Variants in NOTCH2 observed in about 807,000 individuals in gnomAD.
The protein encoded by NOTCH2 is neurogenic locus notch homolog protein 2.
In NOTCH2, 29 loss-of-function variants were observed where a neutral mutation model predicts 235.8. That is an observed-to-expected ratio of 0.12 (90% CI 0.09 to 0.17). NOTCH2 has a LOEUF of 0.17. Among genes scored for constraint, NOTCH2 ranks in the 10% least tolerant of loss-of-function variants. NOTCH2 has a pLI of 1.00. For synonymous variants in NOTCH2, 1,086 were observed against 1,141.5 expected (o/e 0.95, Z 0.98); for missense variants, 2,285 against 3,150.2 (o/e 0.73, Z 6.57).
At position 119,916,069 on chromosome 1, in the gene NOTCH2, A is replaced by G. The variant is rs1649056353; in HGVS notation, c.6653T>C (p.Leu2218Pro). Reference sequence around the variant, plus strand: ...GGATAGCAACTGGCTCACTGAGGGAAGCACAGTGCTGGCCCCATGTGCCAA... The same window carrying G: ...GGATAGCAACTGGCTCACTGAGGGAGGCACAGTGCTGGCCCCATGTGCCAA... ...QPLAHGASTV[L>P]PSVSQLLSHH... The change falls in exon 34 of 34, where the codon CTT (leucine) becomes CCT (proline). Residue 2218 changes from leucine to proline, a missense_variant. Leu to Pro is a moderately conservative substitution (Grantham distance 98, BLOSUM62 -3). Around this residue, in one of 6 missense-constraint regions of NOTCH2, gnomAD observed 504 missense variants for 538.0 expected, o/e 0.94. Transcript: ENST00000256646. The G allele has an allele frequency of 6.2e-7, 1 of 1,613,916 alleles. No homozygotes were observed. Among genetic ancestry groups the G allele is most frequent in the Non-Finnish European group, 8.5e-7 (1 of 1,180,008 alleles).
intron 5 of NOTCH2, among the ~76,000 whole-genome samples, chr1:119,981,503 A>T (rs1237000791): frequency 1.3e-5 from 2 of 152,194 alleles, no homozygotes; most frequent in African/African-American, 4.8e-5. Context: ...CAACCGTTCC[A>T]TGGGGGCTTA....
At chr1:119,954,843 G>C (rs1650621211) in intron 13 of NOTCH2, among the ~76,000 whole-genome samples, 197 bp downstream of exon 13, 4 of 152,108 alleles carry the variant, frequency 2.6e-5, no homozygotes, top group Admixed American at 2.6e-4. Context: ...GTTCCATCTA[G>C]GTCCTCACTT....
At chr1:119,957,883 C>CACACACACACACA in intron 12 of NOTCH2, among the ~76,000 whole-genome samples, 1 of 143,536 alleles carries the variant, frequency 7.0e-6, no homozygotes, top group Non-Finnish European at 1.5e-5. Context: ...CACACACACA[C>CACACACACACACA]AACAGGCCCC....
chr1:120,040,996 G>A (rs1654524382), intron 1 of NOTCH2, among the ~76,000 whole-genome samples: 1 of 125,802 alleles, frequency 7.9e-6, no homozygotes, highest in Non-Finnish European at 1.6e-5. Flanking sequence ...AGCCGAGATT[G>A]TGCCACTGCA....
rs1649820409 is a variant in NOTCH2 at position 119,935,586 on chromosome 1, C to T, written c.3541G>A (p.Gly1181Ser). 6.2e-7 allele frequency: 1 copy of T among 1,614,124 alleles called. No individual in the cohort carries two copies. The highest frequency in any genetic ancestry group is 1.1e-5 in the South Asian group (1 of 91,076). Residue 1181 changes from glycine to serine, a missense_variant, in exon 22 of 34, where the codon GGT (glycine) becomes AGT (serine). This residue lies in a region of NOTCH2 where 1,173 missense variants were observed against 1,515.3 expected (regional missense o/e 0.77). Transcript: ENST00000256646. ...YRCECVPGYQGVNCEYEVDEC... is the reference protein window; with the variant it reads ...YRCECVPGYQSVNCEYEVDEC... ...TCCACTTCATACTCACAGTTGACAC[C>T]CTGATAGCCTGGGACACACTGCCAT...
At chr1:119,919,732 T>A in intron 30 of NOTCH2, 119 bp from the exon 31 acceptor site, 1 of 940,424 alleles carries the variant, frequency 1.1e-6, no homozygotes, top group East Asian at 2.6e-5. Flanking sequence ...CTGTACTTCT[T>A]GTAGTAACTG....
At chr1:119,948,983 G>C (rs2101115439) in intron 16 of NOTCH2, 24 bp downstream of exon 16, 1 of 1,614,010 alleles carries the variant, frequency 6.2e-7, no homozygotes, top group Non-Finnish European at 8.5e-7. Flanking sequence ...CATGTTCTTG[G>C]CTTCTCCACA....
In NOTCH2 at chr1:119,918,412, C is replaced by A; in HGVS notation, c.5923G>T (p.Asp1975Tyr). Reference sequence around the variant, plus strand: ...CCCTGCCTTTCATCCCTACCATGGTCATCCACTGCATTCACATCCGCTTGG... The same window carrying A: ...CCCTGCCTTTCATCCCTACCATGGTAATCCACTGCATTCACATCCGCTTGG... The part of the protein sequence containing the change: ...NCQADVNAVD[D>Y]HGKSALHWAA... The change falls in exon 32 of 34, where the codon GAC becomes TAC. Residue 1975 changes from aspartate (D) to tyrosine (Y), a missense_variant. Around this residue, in one of 6 missense-constraint regions of NOTCH2, gnomAD observed 128 missense variants for 255.9 expected, o/e 0.50. Coordinates refer to ENST00000256646, the MANE Select transcript of NOTCH2 (RefSeq NM_024408.4). The A allele has an allele frequency of 1.2e-6, 2 of 1,614,120 alleles. No individual in the cohort carries two copies. The highest frequency in any genetic ancestry group is 1.7e-6 in the Non-Finnish European group (2 of 1,180,026).
intron 11 of NOTCH2, among the ~76,000 whole-genome samples, chr1:119,962,545 G>C (rs926589930): frequency 6.6e-6 from 1 of 152,112 alleles, no homozygotes; most frequent in East Asian, 1.9e-4. Flanking sequence ...TTTCAAACTT[G>C]GCATGTATGA....
chr1:119,959,737 A>G (rs1553198797), intron 11 of NOTCH2, among the ~76,000 whole-genome samples: 1 of 152,226 alleles, frequency 6.6e-6, no homozygotes. Flanking sequence ...CTGTGCTAAC[A>G]TTCAAACTGA....
At chr1:119,948,914 G>T in intron 16 of NOTCH2, 93 bp downstream of exon 16, 1 of 1,504,806 alleles carries the variant, frequency 6.6e-7, no homozygotes, top group Non-Finnish European at 9.3e-7. Flanking sequence ...GGCCTCATAA[G>T]ACCAGCAGGG....
intron 17 of NOTCH2, among the ~76,000 whole-genome samples, chr1:119,943,004 C>T (rs1650117985): frequency 6.6e-6 from 1 of 151,734 alleles, no homozygotes; most frequent in Admixed American, 6.6e-5. Flanking sequence ...TCCCGAGTAG[C>T]TGGAATTACA....
chr1:119,989,183 T>A (rs1463759158), intron 4 of NOTCH2, among the ~76,000 whole-genome samples: 1 of 152,186 alleles, frequency 6.6e-6, no homozygotes, highest in Non-Finnish European at 1.5e-5. Context: ...TTAAACTTTC[T>A]TGGGGAATTA....
intron 17 of NOTCH2, among the ~76,000 whole-genome samples, chr1:119,946,767 A>G (rs2101112143): frequency 6.6e-6 from 1 of 152,218 alleles, no homozygotes; most frequent in East Asian, 1.9e-4. Flanking sequence ...AAACAAGGTA[A>G]GGCTTCTCTC....
intron 2 of NOTCH2, among the ~76,000 whole-genome samples, chr1:120,011,843 T>C (rs1653204510): frequency 6.6e-6 from 1 of 151,072 alleles, no homozygotes; most frequent in Admixed American, 6.6e-5. Context: ...AGTGAAACCC[T>C]GTCTCTACTA....
At chr1:119,988,469 C>T (rs1255716119) in intron 4 of NOTCH2, among the ~76,000 whole-genome samples, 2 of 152,078 alleles carry the variant, frequency 1.3e-5, no homozygotes, top group African/African-American at 4.8e-5. Context: ...AAAATTTACT[C>T]AAATTTCAAA....
At position 119,912,598 on chromosome 1, in the gene NOTCH2, AT is replaced by A. The variant is rs1302125889; in HGVS notation, c.*2707del. On this transcript the variant is annotated 3_prime_UTR_variant, in exon 34 of 34. Coordinates refer to ENST00000256646, the MANE Select transcript of NOTCH2 (RefSeq NM_024408.4). ...AGCAAATAAACAAACAAAAAAACCT[AT>A]CCCCAAAGGCAGGCAGAAGAGGAGT... is the stretch of plus-strand genomic sequence containing the variant. 1.3e-5 allele frequency: 3 copies of A among 233,010 alleles called. No individual in the cohort carries two copies. The highest frequency in any genetic ancestry group is 1.7e-5 in the Non-Finnish European group (2 of 118,004). 14.4% of individuals were successfully genotyped at this position (233,010 alleles called of 1,614,324 possible).
chr1:119,920,194 A>T lies in NOTCH2; in HGVS notation c.5479+35T>A. On this transcript the variant is annotated intron_variant, in intron 30 of 33. Transcript: ENST00000256646. ...ACAATGTGGAACCATGGGCAGACACAGCCCAGTGAAGAGGGGAAGAGGCCC... is the reference window on the plus strand; with the variant it reads ...ACAATGTGGAACCATGGGCAGACACTGCCCAGTGAAGAGGGGAAGAGGCCC... 1.2e-6 allele frequency: 2 copies of T among 1,610,130 alleles called. 1 individual carries two copies. Among genetic ancestry groups the T allele is most frequent in the South Asian group, 2.2e-5 (2 of 90,864 alleles).
Position 119,937,275 on chromosome 1 carries a change from T to C in NOTCH2, c.3522+7A>G. ...GTCCATGACCTCTGCTTGCTCAGTGTCCTCACCTCGCATCTGTATCCACCA... is the reference window on the plus strand; with the variant it reads ...GTCCATGACCTCTGCTTGCTCAGTGCCCTCACCTCGCATCTGTATCCACCA... On this transcript the variant is annotated splice_region_variant and intron_variant, in intron 21 of 33. Coordinates refer to ENST00000256646, the MANE Select transcript of NOTCH2 (RefSeq NM_024408.4). The C allele has an allele frequency of 3.7e-6, 6 of 1,612,914 alleles. No homozygotes were observed. Among genetic ancestry groups the C allele is most frequent in the Non-Finnish European group, 5.1e-6 (6 of 1,179,896 alleles).
Sources: allele counts gnomAD v4.1 joint callset (sites outside exome capture counted in the v4.1 genomes callset), GRCh38; gene constraint gnomAD v4.1.1; regional missense constraint gnomAD v4.1.1; transcripts MANE v1.5; gene names NCBI Gene and HGNC (gene_info 2026-07-23, HGNC 2026-07-21).